PCDHGA9: variants seen among roughly 807,000 people sequenced by gnomAD.
PCDHGA9 encodes the protein protocadherin gamma-A9.
PCDHGA9 carries 37 observed loss-of-function variants against 62.5 expected under a neutral mutation model. The ratio of observed to expected loss-of-function variants is 0.59; its 90% CI spans 0.46 to 0.78. The LOEUF is 0.78. PCDHGA9 is among the 30% of genes least tolerant of loss of function. PCDHGA9 has a pLI of 0.00. For synonymous variants in PCDHGA9, 459 were observed against 484.6 expected (o/e 0.95, Z 0.69); for missense variants, 1,138 against 1,166.2 (o/e 0.98, Z 0.35).
At position 141,432,202 on chromosome 5, in the gene PCDHGA9, T is replaced by C; in HGVS notation, c.2424+26826T>C. 1 of 1,614,120 alleles carries C rather than the reference T, an allele frequency of 6.2e-7. No homozygotes were observed. The highest frequency in any genetic ancestry group is 1.1e-5 in the South Asian group (1 of 91,072). ...CTGTGACCGCCCACGACCCCGACTGTGAAGAGAACGCCCAGATCACTTATT... is the reference window on the plus strand; with the variant it reads ...CTGTGACCGCCCACGACCCCGACTGCGAAGAGAACGCCCAGATCACTTATT... On this transcript the variant is annotated intron_variant, in intron 1 of 3. Coordinates refer to ENST00000573521, the MANE Select transcript of PCDHGA9 (RefSeq NM_018921.3). The surrounding 1 kb of genome is among the most constrained non-coding windows in gnomAD (Gnocchi z 6.0).
Position 141,404,436 on chromosome 5 carries a change from C to A in PCDHGA9, c.1484C>A (p.Thr495Asn). ...GTTATTTACTCCTTGGCAGAGGATA[C>A]CATCCAAGGGTCTCCTCTCTCCACC... Reference protein sequence around the residue: ...SRVIYSLAEDTIQGSPLSTYV... With the variant: ...SRVIYSLAEDNIQGSPLSTYV... The change falls in exon 1 of 4, where the codon ACC becomes AAC. Residue 495 changes from threonine (T) to asparagine (N), a missense_variant. By Grantham distance (65) the Thr-to-Asn change is moderately conservative. Coordinates refer to ENST00000573521, the MANE Select transcript of PCDHGA9 (RefSeq NM_018921.3). The A allele has an allele frequency of 6.2e-7, 1 of 1,612,704 alleles. No individual in the cohort carries two copies. The highest frequency in any genetic ancestry group is 8.5e-7 in the Non-Finnish European group (1 of 1,178,814).
At chr5:141,422,217 C>T (rs1207888890) in intron 1 of PCDHGA9, 2 of 1,563,582 alleles carry the variant, frequency 1.3e-6, no homozygotes, top group Admixed American at 2.0e-5. Context: ...GTCTCTTTAC[C>T]ACCACGACGA....
At chr5:141,415,473 C>T in intron 1 of PCDHGA9, 2 of 1,614,224 alleles carry the variant, frequency 1.2e-6, no homozygotes, top group Non-Finnish European at 1.7e-6. Flanking sequence ...TCACCGCGGA[C>T]TCGCGAAAGA....
rs1165142153 is a variant in PCDHGA9 at position 141,402,786 on chromosome 5, G to A, written c.-167G>A. On this transcript the variant is annotated 5_prime_UTR_variant, in exon 1 of 4. Transcript: ENST00000573521. ...ACTCCATCCGGATTTCCAGTTCTGC[G>A]GCTACACAAAACCCGGCAGATACCA... 3.3e-6 allele frequency: 3 copies of A among 907,574 alleles called. No homozygotes were observed. The African/African-American group carries it at 5.0e-5, about 15-fold the overall frequency. 56.2% of individuals were successfully genotyped at this position (907,574 alleles called of 1,614,324 possible).
Position 141,487,463 on chromosome 5 carries a change from G to T in PCDHGA9, c.2425-7344G>T, listed in dbSNP as rs754798527. 1 of 1,614,136 alleles carries T rather than the reference G, an allele frequency of 6.2e-7. No homozygotes were observed. The highest frequency in any genetic ancestry group is 1.7e-5 in the Admixed American group (1 of 60,016). ...GTCAGATGACCCTATCAAGTTTGTT[G>T]ATGTGGGAGGCCACTCTCATGGCTG... On this transcript the variant is annotated intron_variant, in intron 1 of 3. Coordinates refer to ENST00000573521, the MANE Select transcript of PCDHGA9 (RefSeq NM_018921.3). The surrounding 1 kb of genome is among the most constrained non-coding windows in gnomAD (Gnocchi z 5.0).
At chr5:141,464,685 C>A (rs1283627323) in intron 1 of PCDHGA9, among the ~76,000 whole-genome samples, 1 of 152,006 alleles carries the variant, frequency 6.6e-6, no homozygotes, top group Non-Finnish European at 1.5e-5. Flanking sequence ...ATTAAAATTT[C>A]TCTTATTATG....
At chr5:141,508,792 C>T (rs1198342551) in intron 3 of PCDHGA9, among the ~76,000 whole-genome samples, 3 of 152,130 alleles carry the variant, frequency 2.0e-5, no homozygotes, top group Admixed American at 6.5e-5. Flanking sequence ...CTAAATCACT[C>T]TGGAATCCTG....
At chr5:141,482,345 T>G (rs192115752) in intron 1 of PCDHGA9, among the ~76,000 whole-genome samples, 8 of 152,122 alleles carry the variant, frequency 5.3e-5, no homozygotes, top group Admixed American at 5.2e-4. Context: ...CTTTGCAAAC[T>G]TGTTGTGAGA....
chr5:141,420,022 T>A, intron 1 of PCDHGA9: 3 of 1,614,104 alleles, frequency 1.9e-6, no homozygotes, highest in Middle Eastern at 3.3e-4. Flanking sequence ...CTTTCAGCCC[T>A]ACTGCAGGAG....
chr5:141,444,360 G>A (rs556605314), intron 1 of PCDHGA9, among the ~76,000 whole-genome samples: 1 of 151,652 alleles, frequency 6.6e-6, no homozygotes, highest in South Asian at 2.1e-4. Context: ...TAGTAGAGAC[G>A]GGGTTTCTCC....
At chr5:141,498,137 G>T (rs1319960274) in intron 2 of PCDHGA9, among the ~76,000 whole-genome samples, 1 of 152,204 alleles carries the variant, frequency 6.6e-6, no homozygotes, top group Non-Finnish European at 1.5e-5. Context: ...GGAGCAGGAG[G>T]ACATCCTGGA....
intron 1 of PCDHGA9, chr5:141,410,302 A>C: frequency 1.2e-6 from 2 of 1,613,356 alleles, no homozygotes; most frequent in Non-Finnish European, 1.7e-6. Flanking sequence ...CCTTAATCTC[A>C]GTGCTCTTCC....
chr5:141,483,013 A>C (rs2154579792), intron 1 of PCDHGA9, among the ~76,000 whole-genome samples: 1 of 152,106 alleles, frequency 6.6e-6, no homozygotes, highest in Middle Eastern at 3.4e-3. Flanking sequence ...TGAACCCGGG[A>C]GGCAGAGGTT....
chr5:141,456,353 G>A (rs1041991824), intron 1 of PCDHGA9, among the ~76,000 whole-genome samples: 2 of 152,120 alleles, frequency 1.3e-5, no homozygotes, highest in South Asian at 2.1e-4. Context: ...GAAGAATGGC[G>A]TCCATGTGTG....
intron 1 of PCDHGA9, chr5:141,468,629 G>A (rs1170355107): frequency 1.3e-5 from 2 of 152,140 alleles, no homozygotes; most frequent in African/African-American, 4.8e-5. Flanking sequence ...CACTTTGGGA[G>A]GCCGAGGTGG....
intron 1 of PCDHGA9, chr5:141,414,177 T>G (rs370827396): frequency 1.7e-5 from 28 of 1,607,906 alleles, no homozygotes; most frequent in Non-Finnish European, 2.2e-5. Flanking sequence ...ATCTTGCAAC[T>G]GCAAAAGTGT....
chr5:141,432,435 C>T lies in PCDHGA9; in HGVS notation c.2424+27059C>T. 1 of 1,614,212 alleles carries T rather than the reference C, an allele frequency of 6.2e-7. No homozygotes were observed. Among genetic ancestry groups the T allele is most frequent in the Non-Finnish European group, 8.5e-7 (1 of 1,180,038 alleles). The stretch of plus-strand genomic sequence containing the variant: ...TTCGTGCTGGACCAGAACGACAATG[C>T]GCCCGAGATCCTGTACCCCGCCCTC... On this transcript the variant is annotated intron_variant, in intron 1 of 3. Transcript: ENST00000573521. This position sits in a 1 kb window ranked among gnomAD's most constrained non-coding sequence, Gnocchi z 6.0.
intron 1 of PCDHGA9, chr5:141,415,772 T>TA (rs763083459): frequency 1.1e-5 from 15 of 1,332,970 alleles, no homozygotes; most frequent in Non-Finnish European, 1.3e-5. Flanking sequence ...TTTTTTTTTT[T>TA]ACTTTCTGGT....
intron 1 of PCDHGA9, among the ~76,000 whole-genome samples, chr5:141,492,167 C>T (rs565536989): frequency 6.6e-6 from 1 of 152,344 alleles, no homozygotes; most frequent in East Asian, 1.9e-4. Context: ...CCTATCCCCG[C>T]ATCACCCAAC....
Sources: gnomAD v4.1 joint callset for allele counts (sites outside exome capture counted in the v4.1 genomes callset) on GRCh38, gnomAD v4.1.1 for gene constraint, Gnocchi (gnomAD v3.1) non-coding constraint, MANE v1.5 for transcripts, NCBI Gene and HGNC (gene_info 2026-07-23, HGNC 2026-07-21) for gene names.